CYB5R2: variants seen among roughly 807,000 people sequenced by gnomAD.
The protein encoded by CYB5R2 is NADH-cytochrome b5 reductase 2.
In CYB5R2, 35 loss-of-function variants were observed where a neutral mutation model predicts 29.8. That is an observed-to-expected ratio of 1.17 (90% CI 0.90 to 1.56). The LOEUF (loss-of-function observed/expected upper bound fraction) is 1.56. Among genes scored for constraint, CYB5R2 ranks in the 40% most tolerant of loss-of-function variants. CYB5R2 has a pLI of 0.00. For missense variants in CYB5R2, 419 were observed against 346.7 expected, an observed-to-expected ratio of 1.21 and a Z score of -1.66; for synonymous variants, 169 against 130.6, an observed-to-expected ratio of 1.29 and a Z score of -2.01.
chr11:7,674,263 T>C, upstream of CYB5R2: 1 of 1,286,932 alleles, frequency 7.8e-7, no homozygotes, highest in Non-Finnish European at 1.0e-6. Context: ...CCGGGGCGGG[T>C]GTTTGCGGGG....
rs1855551000 is a variant in CYB5R2, at chr11:7,669,085, A to C, written c.388+120T>G. ...GTGTGATCATTATGCATTGTGTGTG[A>C]ATGAATGAAGACTAAGGACAACCCC... On this transcript the variant is annotated intron_variant, in intron 5 of 8. Coordinates refer to ENST00000299498, the MANE Select transcript of CYB5R2 (RefSeq NM_016229.5). The C allele has an allele frequency of 2.5e-6, 3 of 1,209,442 alleles. No individual in the cohort carries two copies. The East Asian group carries it at 7.0e-5, about 28-fold the overall frequency. The allele number at this position is 1,209,442 out of a possible 1,614,324, so 74.9% of individuals were successfully genotyped here. A position where few individuals can be genotyped will look rare whatever the true frequency, so the allele number is the denominator to read the frequency against.
At chr11:7,670,054 G>A (rs1298643538) in intron 3 of CYB5R2, 1 of 282,742 alleles carries the variant, frequency 3.5e-6, no homozygotes, top group Non-Finnish European at 6.7e-6. Context: ...AAGTTGGAGA[G>A]TGAGTATTAA....
At chr11:7,668,958 T>C (rs1271723752) in intron 5 of CYB5R2, 1 of 645,900 alleles carries the variant, frequency 1.5e-6, no homozygotes, top group African/African-American at 1.8e-5. Context: ...GTATCAGGCA[T>C]TGTGCTGGAG....
chr11:7,672,933 G>A (rs892040794), intron 1 of CYB5R2, 42 bp from the exon 2 acceptor site: 8 of 1,571,652 alleles, frequency 5.1e-6, no homozygotes, highest in Middle Eastern at 1.8e-4. Context: ...GGTCTTGCCC[G>A]CCCTGGACAG....
intron 8 of CYB5R2, chr11:7,666,001 G>T: frequency 8.2e-7 from 1 of 1,219,650 alleles, no homozygotes; most frequent in Non-Finnish European, 1.2e-6. Flanking sequence ...GGTGCTCTGT[G>T]CACAGTGGTT....
rs1855027983 is a variant in CYB5R2 at position 7,665,188 on chromosome 11, C to A, written c.*186G>T. The A allele has an allele frequency of 4.1e-6, 2 of 489,946 alleles. No individual in the cohort carries two copies. Among genetic ancestry groups the A allele is most frequent in the South Asian group, 4.0e-5 (1 of 25,032 alleles). The allele number at this position is 489,946 out of a possible 1,614,324, so 30.3% of individuals were successfully genotyped here. A position where few individuals can be genotyped will look rare whatever the true frequency, so the allele number is the denominator to read the frequency against. ...TTCCAGCCTCCAAGCAAGGAGGCCC[C>A]AGCAGCCAGTCTCCAGCCCCTTGAG... On this transcript the variant is annotated 3_prime_UTR_variant, in exon 9 of 9. Transcript: ENST00000299498.
At chr11:7,665,849 C>T in intron 8 of CYB5R2, 2 of 1,535,714 alleles carry the variant, frequency 1.3e-6, no homozygotes, top group Non-Finnish European at 1.7e-6. Context: ...ATCAGTACAG[C>T]CAGCTGGAGT....
At chr11:7,673,784 C>T (rs1855911805), upstream of CYB5R2, 22 of 987,566 alleles carry the variant, frequency 2.2e-5, no homozygotes, top group Non-Finnish European at 2.6e-5. Flanking sequence ...GCCGCGGGCC[C>T]GCAGACTCGT....
chr11:7,665,707 A>G, intron 8 of CYB5R2, 161 bp from the exon 9 acceptor site: 1 of 1,142,512 alleles, frequency 8.8e-7, no homozygotes, highest in Non-Finnish European at 1.2e-6. Flanking sequence ...CCTCAGAACT[A>G]GTAAACAGCC....
chr11:7,666,762 A>G (rs1398546650), intron 7 of CYB5R2: 3 of 447,352 alleles, frequency 6.7e-6, no homozygotes, highest in African/African-American at 6.0e-5. Flanking sequence ...TGGATGAAGA[A>G]CCTCCATGGG....
At chr11:7,671,768 T>C (rs566867034) in intron 3 of CYB5R2, 1 of 152,380 alleles carries the variant, frequency 6.6e-6, no homozygotes, top group South Asian at 2.1e-4. Context: ...TCCCTGATTC[T>C]AGCAGTTTTC....
At chr11:7,669,006 C>T (rs749567469) in intron 5 of CYB5R2, 199 bp downstream of exon 5, 1 of 721,570 alleles carries the variant, frequency 1.4e-6, no homozygotes, top group South Asian at 1.5e-5. Context: ...AAGTCATTCC[C>T]CTACCTTACA....
intron 2 of CYB5R2, 72 bp from the exon 3 acceptor site, chr11:7,672,595 A>AAAGG: frequency 1.3e-6 from 2 of 1,534,358 alleles, no homozygotes; most frequent in Non-Finnish European, 1.8e-6. Flanking sequence ...GATGCCTGGG[A>AAAGG]AAGGAGGTCC....
rs554785991 is a variant in CYB5R2 at position 7,665,831 on chromosome 11, G to T, written c.659-285C>A. ...GGAGAACACAACGAGGTATACCGAG[G>T]TGTGTGAATCAGTACAGCCAGCTGG... On this transcript the variant is annotated intron_variant, in intron 8 of 8. Coordinates refer to ENST00000299498, the MANE Select transcript of CYB5R2 (RefSeq NM_016229.5). 6 of 1,533,736 alleles carry T rather than the reference G, an allele frequency of 3.9e-6. No individual in the cohort carries two copies. The African/African-American group carries it at 8.2e-5, about 21-fold the overall frequency.
rs1855242492 is a variant in CYB5R2 at position 7,666,522 on chromosome 11, T to C, written c.587A>G (p.Glu196Gly). ...GTGAGTCCTGGCAATTTCTTCAAGC[T>C]CTTTTCTGACCAAGATATCCTCCTC... ...QTEEDILVRKELEEIARTHPD... is the reference protein window; with the variant it reads ...QTEEDILVRKGLEEIARTHPD... The change falls in exon 8 of 9, where the codon GAG becomes GGG. Residue 196 changes from glutamate to glycine, a missense_variant. Transcript: ENST00000299498. The C allele has an allele frequency of 5.0e-6, 8 of 1,613,382 alleles. No homozygotes were observed. The highest frequency in any genetic ancestry group is 3.3e-5 in the South Asian group (3 of 91,052).
rs147501709 is a variant in CYB5R2, at chr11:7,665,472, G to A, written c.733C>T (p.Leu245Phe). 34 of 1,613,900 alleles carry A rather than the reference G, an allele frequency of 2.1e-5. No individual in the cohort carries two copies. In the African/African-American group the frequency reaches 4.3e-4, roughly 20 times the overall value. The change falls in exon 9 of 9, where the codon CTC becomes TTC. Residue 245 changes from leucine to phenylalanine, a missense_variant. Leu to Phe is a conservative substitution (Grantham distance 22). Transcript: ENST00000299498. ...EHLPPPAKST[L>F]ILVCGPPPLI... The stretch of plus-strand genomic sequence containing the variant: ...GGTGGCGGGCCACACACCAGGATGA[G>A]CGTGGACTTCGCTGGAGGAGGAAGG...
At chr11:7,673,704 G>A, upstream of CYB5R2, 1 of 985,704 alleles carries the variant, frequency 1.0e-6, no homozygotes, top group African/African-American at 1.7e-5. Flanking sequence ...AATACACCCC[G>A]CCGCGGAACC....
chr11:7,669,059 A>C (rs115981610), intron 5 of CYB5R2, 146 bp downstream of exon 5: 2 of 1,007,352 alleles, frequency 2.0e-6, no homozygotes, highest in Non-Finnish European at 1.6e-6. Context: ...ATGTGTAACA[A>C]GTGTGATCAT....
rs900286994 is a variant in CYB5R2, at chr11:7,666,469, G to C, written c.640C>G (p.Leu214Val). 1.9e-6 allele frequency: 3 copies of C among 1,612,498 alleles called. No individual in the cohort carries two copies. In the East Asian group the frequency reaches 6.7e-5, roughly 36 times the overall value. The change falls in exon 8 of 9, where the codon CTG becomes GTG. Residue 214 changes from leucine (L) to valine (V), a missense_variant. Leu to Val is a conservative substitution (Grantham distance 32, BLOSUM62 1). Coordinates refer to ENST00000299498, the MANE Select transcript of CYB5R2 (RefSeq NM_016229.5). ...HPDQFNLWYT[L>V]DRPPIGWKYS... ...GTCGTACCAATGGGAGGCCTGTCCA[G>C]GGTGTACCACAGGTTGAACTGGTCT...
Sources: allele counts gnomAD v4.1 joint callset, GRCh38; gene constraint gnomAD v4.1.1; transcripts MANE v1.5; gene names NCBI Gene and HGNC (gene_info 2026-07-23, HGNC 2026-07-21).